Variants in SGCZ observed in about 807,000 individuals in gnomAD.
SGCZ encodes sarcoglycan zeta.
A neutral mutation model predicts 41.3 loss-of-function variants in SGCZ; 40 were observed. The observed-to-expected ratio is 0.97, with a 90% CI of 0.75 to 1.26. The LOEUF (loss-of-function observed/expected upper bound fraction) is 1.26. Ranked by LOEUF, SGCZ falls within the 50% of genes most tolerant of loss-of-function variation. The pLI is 0.00. For missense variants in SGCZ, 552 were observed against 369.8 expected, an observed-to-expected ratio of 1.49 and a Z score of -4.04; for synonymous variants, 206 against 137.5, an observed-to-expected ratio of 1.50 and a Z score of -3.49.
chr8:15,058,144 A>G (rs529393975), intron 1 of SGCZ, among the ~76,000 whole-genome samples: 9 of 152,324 alleles, frequency 5.9e-5, no homozygotes, highest in Admixed American at 4.6e-4. Flanking sequence ...TACCAACCAT[A>G]CACATGAACA....
intron 3 of SGCZ, among the ~76,000 whole-genome samples, chr8:14,243,663 T>G (rs954399691): frequency 6.6e-6 from 1 of 152,146 alleles, no homozygotes; most frequent in African/African-American, 2.4e-5. Flanking sequence ...ACATACCACT[T>G]ATATTTATTT....
At chr8:14,736,827 G>C (rs913758873) in intron 1 of SGCZ, among the ~76,000 whole-genome samples, 1 of 152,058 alleles carries the variant, frequency 6.6e-6, no homozygotes, top group South Asian at 2.1e-4. Context: ...TTATGGCTGA[G>C]TAAAGAACTA....
Position 14,985,999 on chromosome 8 carries a change from T to C in SGCZ, c.39+251586A>G, listed in dbSNP as rs574326703. 5.9e-5 allele frequency among the ~76,000 whole-genome samples: 9 copies of C among 152,298 alleles called. No individual in the cohort carries two copies. In the South Asian group the frequency reaches 1.9e-3, roughly 32 times the overall value. ...GGTTATTGAATTAGTAACCACTCGTTAAATATGAGCAATATGTACAAGTAT... is the reference window on the plus strand; with the variant it reads ...GGTTATTGAATTAGTAACCACTCGTCAAATATGAGCAATATGTACAAGTAT... On this transcript the variant is annotated intron_variant, in intron 1 of 7. Coordinates refer to ENST00000382080, the MANE Select transcript of SGCZ (RefSeq NM_139167.4).
At chr8:14,165,481 G>C (rs1206992228) in intron 4 of SGCZ, 3 of 152,062 alleles carry the variant, frequency 2.0e-5, no homozygotes, top group Non-Finnish European at 4.4e-5. Context: ...GGGCCTTGAA[G>C]GTGAATGTTA....
In SGCZ at chr8:14,540,943, A is replaced by T. The variant is rs896433025; in HGVS notation, c.234+13789T>A. ...TGATTGTTTAGTTGATGTTAACTTCATTTTTTCACAGTTATATCAAAACAA... is the reference window on the plus strand; with the variant it reads ...TGATTGTTTAGTTGATGTTAACTTCTTTTTTTCACAGTTATATCAAAACAA... On this transcript the variant is annotated intron_variant, in intron 2 of 7. Transcript: ENST00000382080. 2.0e-5 allele frequency among the ~76,000 whole-genome samples: 3 copies of T among 150,930 alleles called. No homozygotes were observed. In the South Asian group the frequency reaches 6.3e-4, roughly 31 times the overall value.
intron 1 of SGCZ, among the ~76,000 whole-genome samples, chr8:15,127,325 A>G (rs2116964836): frequency 6.6e-6 from 1 of 152,156 alleles, no homozygotes; most frequent in South Asian, 2.1e-4. Context: ...GCGTTATACT[A>G]TAATTACAAC....
At position 14,735,171 on chromosome 8, in the gene SGCZ, C is replaced by T. The variant is rs182575285; in HGVS notation, c.40-180245G>A. ...AATTGGTGCCTAGCACATTACTTGACCCAAATTATTTTGTGATGGTCAATA... is the reference window on the plus strand; with the variant it reads ...AATTGGTGCCTAGCACATTACTTGATCCAAATTATTTTGTGATGGTCAATA... On this transcript the variant is annotated intron_variant, in intron 1 of 7. Coordinates refer to ENST00000382080, the MANE Select transcript of SGCZ (RefSeq NM_139167.4). Among the ~76,000 whole-genome samples, 234 of 152,204 alleles carry T rather than the reference C, an allele frequency of 1.5e-3. 1 individual carries two copies. The highest frequency in any genetic ancestry group is 6.8e-3 in the Middle Eastern group (2 of 294).
chr8:14,457,504 T>C (rs1159823737), intron 2 of SGCZ, among the ~76,000 whole-genome samples: 1 of 152,196 alleles, frequency 6.6e-6, no homozygotes, highest in Non-Finnish European at 1.5e-5. Flanking sequence ...GGGCCTGACA[T>C]CAGTCAGGCT....
chr8:14,686,385 T>C (rs182459550), intron 1 of SGCZ, among the ~76,000 whole-genome samples: 19 of 151,740 alleles, frequency 1.3e-4, no homozygotes, highest in African/African-American at 3.9e-4. Context: ...GAAACAGGAG[T>C]GATGGGACTC....
intron 1 of SGCZ, among the ~76,000 whole-genome samples, chr8:14,605,338 A>C (rs1345420922): frequency 6.6e-6 from 1 of 152,034 alleles, no homozygotes; most frequent in Non-Finnish European, 1.5e-5. Flanking sequence ...CAGGCATACA[A>C]AGTGTAGCAA....
intron 1 of SGCZ, among the ~76,000 whole-genome samples, chr8:15,047,714 C>T (rs761758240): frequency 1.3e-5 from 2 of 151,908 alleles, no homozygotes; most frequent in African/African-American, 2.4e-5. Flanking sequence ...ATTGTCACTG[C>T]GCATAATCTG....
In SGCZ at chr8:14,411,125, G is replaced by C. The variant is rs192391177; in HGVS notation, c.235-86921C>G. On this transcript the variant is annotated intron_variant, in intron 2 of 7. Coordinates refer to ENST00000382080, the MANE Select transcript of SGCZ (RefSeq NM_139167.4). ...ATATCATTATGGCGCCAACCAATGCGTTTTGTTTCTGCTATTATTGAGATT... is the reference window on the plus strand; with the variant it reads ...ATATCATTATGGCGCCAACCAATGCCTTTTGTTTCTGCTATTATTGAGATT... Among the ~76,000 whole-genome samples, 719 of 152,046 alleles carry C rather than the reference G, an allele frequency of 4.7e-3. 6 individuals are homozygous for C. The highest frequency in any genetic ancestry group is 0.015 in the African/African-American group (639 of 41,508).
intron 1 of SGCZ, among the ~76,000 whole-genome samples, chr8:14,958,348 T>C (rs994354762): frequency 6.6e-6 from 1 of 152,056 alleles, no homozygotes; most frequent in African/African-American, 2.4e-5. Context: ...AATGAAATGT[T>C]GGTCAATGGA....
At chr8:14,392,163 T>C (rs536990008) in intron 2 of SGCZ, among the ~76,000 whole-genome samples, 12 of 152,306 alleles carry the variant, frequency 7.9e-5, no homozygotes, top group African/African-American at 2.9e-4. Context: ...TTATCAGTTA[T>C]TTTAATTCAA....
In SGCZ at chr8:14,171,332, T is replaced by C. The variant is rs540934454; in HGVS notation, c.425-6630A>G. 2.0e-5 allele frequency among the ~76,000 whole-genome samples: 3 copies of C among 152,114 alleles called. No individual in the cohort carries two copies. The South Asian group carries it at 6.2e-4, about 32-fold the overall frequency. On this transcript the variant is annotated intron_variant, in intron 4 of 7. Transcript: ENST00000382080. ...TTTCAAATAACATCTTAAAAAGAGA[T>C]CTTCATGTTGCACTTTAAACACAAT...
chr8:14,416,055 T>C (rs1799485061), intron 2 of SGCZ, among the ~76,000 whole-genome samples: 2 of 151,998 alleles, frequency 1.3e-5, no homozygotes, highest in African/African-American at 2.4e-5. Flanking sequence ...CTTATGTTAA[T>C]ATTCAAATGC....
chr8:14,984,445 T>A (rs549757983), intron 1 of SGCZ, among the ~76,000 whole-genome samples: 2 of 152,328 alleles, frequency 1.3e-5, no homozygotes, highest in South Asian at 4.1e-4. Flanking sequence ...ATTATTTTTA[T>A]GTCTCTTAAA....
chr8:14,201,486 T>G (rs1486756298), intron 4 of SGCZ, among the ~76,000 whole-genome samples: 1 of 152,164 alleles, frequency 6.6e-6, no homozygotes, highest in African/African-American at 2.4e-5. Context: ...ACAATATGAA[T>G]AAATTCAAAT....
intron 1 of SGCZ, among the ~76,000 whole-genome samples, chr8:14,801,254 G>C (rs1254760467): frequency 6.6e-6 from 1 of 152,028 alleles, no homozygotes; most frequent in Non-Finnish European, 1.5e-5. Context: ...TATATGGGTT[G>C]GTCATTACAT....
Sources: allele counts gnomAD v4.1 joint callset (sites outside exome capture counted in the v4.1 genomes callset), GRCh38; gene constraint gnomAD v4.1.1; transcripts MANE v1.5; gene names NCBI Gene and HGNC (gene_info 2026-07-23, HGNC 2026-07-21).